The following CELSR1 variants were observed in gnomAD, a reference collection of about 807,000 sequenced individuals.
The protein encoded by CELSR1 is cadherin EGF LAG seven-pass G-type receptor 1.
A neutral mutation model predicts 249.1 loss-of-function variants in CELSR1; 110 were observed. The ratio of observed to expected loss-of-function variants is 0.44; its 90% confidence interval spans 0.38 to 0.52. The LOEUF is 0.52. Ranked by LOEUF, CELSR1 falls within the 20% of genes least tolerant of loss-of-function variation. CELSR1 has a pLI of 0.00. For synonymous variants in CELSR1, 2,113 were observed against 1,900.0 expected, an observed-to-expected ratio of 1.11 and a Z score of -2.92; for missense variants, 4,109 against 4,296.4, an observed-to-expected ratio of 0.96 and a Z score of 1.22.
In CELSR1 at chr22:46,374,484, T is replaced by G. The variant is rs894077292; in HGVS notation, c.7585-1427A>C. Among the ~76,000 whole-genome samples the G allele has an allele frequency of 7.2e-5, 11 of 152,074 alleles. No homozygotes were observed. Among genetic ancestry groups the G allele is most frequent in the South Asian group, 4.1e-4 (2 of 4,820 alleles). ...GAAAAACCTCGCCCAGAGATAGGAT[T>G]GTGGGTTTACAAAAAAACCATAAAG... On this transcript the variant is annotated intron_variant, in intron 24 of 34. Coordinates refer to ENST00000674500, the MANE Select transcript of CELSR1 (RefSeq NM_001378328.1). This position sits in a 1 kb window ranked among gnomAD's most constrained non-coding sequence, Gnocchi z 4.3.
At chr22:46,457,711 T>A (rs539030461) in intron 2 of CELSR1, among the ~76,000 whole-genome samples, 2 of 152,230 alleles carry the variant, frequency 1.3e-5, no homozygotes, top group South Asian at 2.1e-4. Context: ...ACAGCTGTGA[T>A]GAGCACGAGG....
intron 1 of CELSR1, among the ~76,000 whole-genome samples, chr22:46,530,090 ACTTGAG>A (rs1420582646): frequency 6.6e-6 from 1 of 151,958 alleles, no homozygotes; most frequent in Non-Finnish European, 1.5e-5. Context: ...CAGATGGATC[ACTTGAG>A]CTCAGAGGTT....
chr22:46,530,348 T>C (rs935463429), intron 1 of CELSR1: 1 of 148,116 alleles, frequency 6.8e-6, no homozygotes, highest in African/African-American at 2.5e-5. Context: ...ATAACATATA[T>C]TATATATTAT....
At chr22:46,460,887 A>AT (rs1166131500) in intron 2 of CELSR1, among the ~76,000 whole-genome samples, 2 of 152,126 alleles carry the variant, frequency 1.3e-5, no homozygotes, top group Non-Finnish European at 2.9e-5. Context: ...AGCCATCAGT[A>AT]TTTTCTCCAG....
rs751371027 is a variant in CELSR1 at position 46,533,998 on chromosome 22, G to A, written c.3173C>T (p.Ala1058Val). 3 of 1,613,614 alleles carry A rather than the reference G, an allele frequency of 1.9e-6. No individual in the cohort carries two copies. The highest frequency in any genetic ancestry group is 2.5e-6 in the Non-Finnish European group (3 of 1,180,018). Residue 1058 changes from alanine (A) to valine (V), a missense_variant, in exon 1 of 35, where the codon GCC (alanine) becomes GTC (valine). Physicochemically the swap from Ala to Val is moderately conservative, Grantham distance 64 (BLOSUM62 0). Around this residue, in one of 7 missense-constraint regions of CELSR1, gnomAD observed 886 missense variants for 896.5 expected, o/e 0.99. Coordinates refer to ENST00000674500, the MANE Select transcript of CELSR1 (RefSeq NM_001378328.1). ...QLDLLNGDLRAMVELDFEVRR... is the reference protein window; with the variant it reads ...QLDLLNGDLRVMVELDFEVRR... ...GACCTCAAAGTCCAGCTCCACCATG[G>A]CACGCAGGTCCCCGTTGAGCAGGTC...
Position 46,363,805 on chromosome 22 carries a change from C to T in CELSR1, c.9035+191G>A. Reference sequence around the variant, plus strand: ...ACGTGTCCCCAGGATAGGGGGTCTGCCCATCTCCGGGGTATCCTCCTGACC... The same window carrying T: ...ACGTGTCCCCAGGATAGGGGGTCTGTCCATCTCCGGGGTATCCTCCTGACC... On this transcript the variant is annotated intron_variant, in intron 34 of 34. Transcript: ENST00000674500. The surrounding 1 kb of genome is among the most constrained non-coding windows in gnomAD (Gnocchi z 4.3). 1 of 731,212 alleles carries T rather than the reference C, an allele frequency of 1.4e-6. No homozygotes were observed. The highest frequency in any genetic ancestry group is 2.9e-5 in the East Asian group (1 of 35,010). 45.3% of individuals were successfully genotyped at this position (731,212 alleles called of 1,614,324 possible). A position where few individuals can be genotyped will look rare whatever the true frequency, so the allele number is the denominator to read the frequency against.
In CELSR1 at chr22:46,535,757, C is replaced by T. The variant is rs1232903293; in HGVS notation, c.1414G>A (p.Val472Met). The change falls in exon 1 of 35, where the codon GTG becomes ATG. Residue 472 changes from valine (V) to methionine (M), a missense_variant. By Grantham distance (21) the Val-to-Met change is conservative (BLOSUM62 1). Transcript: ENST00000674500. ...CGCAGCACAGCCGTGTTGAGCCCCA[C>T]GTCCTCGGGCACCTGGACCACGTAG... ...QNYVVQVPEDVGLNTAVLRVQ... is the reference protein window; with the variant it reads ...QNYVVQVPEDMGLNTAVLRVQ... The T allele has an allele frequency of 6.2e-6, 10 of 1,612,490 alleles. No homozygotes were observed. The highest frequency in any genetic ancestry group is 1.7e-5 in the Admixed American group (1 of 60,022).
chr22:46,535,331 C>A lies in CELSR1; in HGVS notation c.1840G>T (p.Gly614Cys). 1 of 1,612,280 alleles carries A rather than the reference C, an allele frequency of 6.2e-7. No individual in the cohort carries two copies. Among genetic ancestry groups the A allele is most frequent in the Non-Finnish European group, 8.5e-7 (1 of 1,179,964 alleles). Residue 614 changes from glycine to cysteine, a missense_variant, in exon 1 of 35, where the codon GGC becomes TGC. Coordinates refer to ENST00000674500, the MANE Select transcript of CELSR1 (RefSeq NM_001378328.1). The part of the protein sequence containing the change: ...LVDTASTFLG[G>C]GSAGPKNPAP... ...GGATTCTTAGGCCCAGCGCTGCCGCCCCCCAGAAAGGTGGAGGCCGTGTCC... is the reference window on the plus strand; with the variant it reads ...GGATTCTTAGGCCCAGCGCTGCCGCACCCCAGAAAGGTGGAGGCCGTGTCC...
chr22:46,392,844 C>T (rs982844249), intron 14 of CELSR1, among the ~76,000 whole-genome samples: 2 of 152,200 alleles, frequency 1.3e-5, no homozygotes, highest in African/African-American at 4.8e-5. Flanking sequence ...CAGGCATGAG[C>T]CACCACGCCC....
rs546292154 is a variant in CELSR1 at position 46,408,806 on chromosome 22, G to A, written c.5226+190C>T. On this transcript the variant is annotated intron_variant, in intron 9 of 34. Coordinates refer to ENST00000674500, the MANE Select transcript of CELSR1 (RefSeq NM_001378328.1). The surrounding 1 kb of genome is among the most constrained non-coding windows in gnomAD (Gnocchi z 4.6). ...GGTTGGCCCAGCCCCATGCTCCCTC[G>A]CTGTCTCCGCCTCCCAGAGGAAAGA... Among the ~76,000 whole-genome samples the A allele has an allele frequency of 3.3e-5, 5 of 152,252 alleles. No homozygotes were observed. Among genetic ancestry groups the A allele is most frequent in the South Asian group, 2.1e-4 (1 of 4,826 alleles).
intron 23 of CELSR1, chr22:46,377,643 G>A (rs535694239): frequency 2.7e-5 from 8 of 295,978 alleles, no homozygotes; most frequent in African/African-American, 1.1e-4. Context: ...CTGGCCATGA[G>A]ACAAGCCCCA....
intron 5 of CELSR1, among the ~76,000 whole-genome samples, chr22:46,426,979 C>T (rs1281914567): frequency 2.0e-5 from 3 of 152,176 alleles, no homozygotes; most frequent in Non-Finnish European, 4.4e-5. Context: ...GGGACGGCAT[C>T]AGGGGGATGT....
Position 46,391,402 on chromosome 22 carries a change from C to A in CELSR1, c.6149-115G>T. 1 of 991,738 alleles carries A rather than the reference C, an allele frequency of 1.0e-6. No individual in the cohort carries two copies. 61.4% of individuals were successfully genotyped at this position (991,738 alleles called of 1,614,324 possible). ...AGGAGGCCCTGCTCCCACCAAGAACCGAACCCTAGCATCTCCCCTGCCCCC... is the reference window on the plus strand; with the variant it reads ...AGGAGGCCCTGCTCCCACCAAGAACAGAACCCTAGCATCTCCCCTGCCCCC... On this transcript the variant is annotated intron_variant, in intron 15 of 34. Transcript: ENST00000674500. The surrounding 1 kb of genome is among the most constrained non-coding windows in gnomAD (Gnocchi z 4.3).
chr22:46,367,937 CACCTGCCT>C, intron 27 of CELSR1, 82 bp from the exon 28 acceptor site: 1 of 1,493,568 alleles, frequency 6.7e-7, no homozygotes, highest in Non-Finnish European at 9.0e-7. Context: ...TCCACCTGTC[CACCTGCCT>C]GCCCGTCCGC....
Position 46,363,786 on chromosome 22 carries a change from C to T in CELSR1, c.9035+210G>A. The stretch of plus-strand genomic sequence containing the variant: ...AGAGTCCCAGAGGCCTGAGACGTGT[C>T]CCCAGGATAGGGGGTCTGCCCATCT... On this transcript the variant is annotated intron_variant, in intron 34 of 34. Transcript: ENST00000674500. This position sits in a 1 kb window ranked among gnomAD's most constrained non-coding sequence, Gnocchi z 4.3. 1 of 644,508 alleles carries T rather than the reference C, an allele frequency of 1.6e-6. No homozygotes were observed. The highest frequency in any genetic ancestry group is 2.5e-6 in the Non-Finnish European group (1 of 393,814). 39.9% of individuals were successfully genotyped at this position (644,508 alleles called of 1,614,324 possible).
At chr22:46,513,754 A>G (rs1397179509) in intron 1 of CELSR1, among the ~76,000 whole-genome samples, 2 of 152,160 alleles carry the variant, frequency 1.3e-5, no homozygotes, top group Non-Finnish European at 2.9e-5. Context: ...AATATGGCCC[A>G]GAAGCTCAAA....
At chr22:46,525,266 C>T (rs6008892) in intron 1 of CELSR1, among the ~76,000 whole-genome samples, 85,586 of 152,046 alleles carry the variant, frequency 0.56, 25,044 homozygotes, top group East Asian at 0.9. Context: ...CTGACCAACA[C>T]GGAGAAAGCC....
chr22:46,385,674 A>ATTTTTT (rs747955777), intron 19 of CELSR1, among the ~76,000 whole-genome samples: 1 of 132,240 alleles, frequency 7.6e-6, no homozygotes, highest in Non-Finnish European at 1.6e-5. Flanking sequence ...CCTGCCGAAT[A>ATTTTTT]TTTTTTTTTT....
chr22:46,432,443 G>A (rs758285947), intron 5 of CELSR1, among the ~76,000 whole-genome samples: 1 of 152,214 alleles, frequency 6.6e-6, no homozygotes, highest in African/African-American at 2.4e-5. Context: ...TGAAGTCCGG[G>A]AAGCGGGGCA....
Sources: allele counts gnomAD v4.1 joint callset (sites outside exome capture counted in the v4.1 genomes callset), GRCh38; gene constraint gnomAD v4.1.1; regional missense constraint gnomAD v4.1.1; non-coding constraint Gnocchi (gnomAD v3.1); transcripts MANE v1.5; gene names NCBI Gene and HGNC (gene_info 2026-07-23, HGNC 2026-07-21).